C2orf80: variants seen among roughly 807,000 people sequenced by gnomAD.
C2orf80 encodes chromosome 2 open reading frame 80.
C2orf80 carries 28 observed loss-of-function variants against 30.2 expected under a neutral mutation model. The observed-to-expected ratio is 0.93, with a 90% CI of 0.69 to 1.27. The LOEUF is 1.27. Ranked by LOEUF, C2orf80 falls within the 50% of genes most tolerant of loss-of-function variation. The probability of loss-of-function intolerance (pLI) is 0.00; values close to 1 mark genes in which losing one functional copy is unlikely to be tolerated. For synonymous variants in C2orf80, 80 were observed against 76.4 expected (o/e 1.05, Z -0.24); for missense variants, 220 against 231.0 (o/e 0.95, Z 0.31).
At chr2:208,180,160 A>T (rs1433696883) in intron 6 of C2orf80, among the ~76,000 whole-genome samples, 2 of 152,042 alleles carry the variant, frequency 1.3e-5, no homozygotes, top group African/African-American at 4.8e-5. Context: ...TTTATTAGAA[A>T]CAGAGCAGAG....
chr2:208,175,157 G>A (rs763643784), intron 6 of C2orf80, among the ~76,000 whole-genome samples: 25 of 148,396 alleles, frequency 1.7e-4, no homozygotes, highest in Non-Finnish European at 3.4e-4. Flanking sequence ...GCAGTGGCGC[G>A]CACCTGTAAT....
At chr2:208,167,167 C>G (rs1430759710) in intron 8 of C2orf80, among the ~76,000 whole-genome samples, 1 of 152,070 alleles carries the variant, frequency 6.6e-6, no homozygotes, top group Non-Finnish European at 1.5e-5. Context: ...AAATTTACTT[C>G]CTAGTAATGT....
chr2:208,169,681 C>G (rs186787730), intron 8 of C2orf80, among the ~76,000 whole-genome samples: 1 of 136,926 alleles, frequency 7.3e-6, no homozygotes, highest in Admixed American at 7.9e-5. Flanking sequence ...CCATTGCACT[C>G]GAGTGTGGGT....
intron 1 of C2orf80, among the ~76,000 whole-genome samples, chr2:208,187,468 G>A (rs949503984): frequency 2.0e-5 from 3 of 151,182 alleles, no homozygotes; most frequent in African/African-American, 7.3e-5. Context: ...GGCTCATAAT[G>A]GAGTTTTCCA....
intron 6 of C2orf80, among the ~76,000 whole-genome samples, chr2:208,175,569 G>C: frequency 6.6e-6 from 1 of 152,110 alleles, no homozygotes; most frequent in Admixed American, 6.6e-5. Context: ...CCCATATTGT[G>C]TCATGCGGCC....
intron 1 of C2orf80, among the ~76,000 whole-genome samples, chr2:208,189,397 A>G (rs1696812230): frequency 6.6e-6 from 1 of 152,166 alleles, no homozygotes; most frequent in Non-Finnish European, 1.5e-5. Context: ...TTAAAATATG[A>G]GTATGTCCCA....
chr2:208,184,067 A>T (rs765920980), intron 3 of C2orf80, among the ~76,000 whole-genome samples: 14 of 152,258 alleles, frequency 9.2e-5, no homozygotes, highest in Non-Finnish European at 1.9e-4. Flanking sequence ...AAATGAATAA[A>T]TAAACAGGAA....
intron 2 of C2orf80, among the ~76,000 whole-genome samples, chr2:208,185,338 A>G (rs1481512956): frequency 6.6e-6 from 1 of 152,236 alleles, no homozygotes; most frequent in African/African-American, 2.4e-5. Flanking sequence ...TTACAAGACC[A>G]AAAGGATTGA....
chr2:208,165,834 T>G lies in C2orf80; in HGVS notation c.574-19A>C. 1 of 1,591,118 alleles carries G rather than the reference T, an allele frequency of 6.3e-7. No homozygotes were observed. Among genetic ancestry groups the G allele is most frequent in the Non-Finnish European group, 8.6e-7 (1 of 1,163,208 alleles). ...AAGTGACCTGCAGAATAAAAGATGA[T>G]TTTGGTATCAAGCACATCAATTTAA... On this transcript the variant is annotated intron_variant, in intron 8 of 8. Coordinates refer to ENST00000341287, the MANE Select transcript of C2orf80 (RefSeq NM_001099334.3).
intron 1 of C2orf80, among the ~76,000 whole-genome samples, chr2:208,188,356 A>G (rs7579275): frequency 6.6e-6 from 1 of 152,000 alleles, no homozygotes. Flanking sequence ...ACTAAGCTTC[A>G]CTTGATTCAG....
At chr2:208,178,506 G>A (rs1356796404) in intron 6 of C2orf80, among the ~76,000 whole-genome samples, 1 of 152,190 alleles carries the variant, frequency 6.6e-6, no homozygotes, top group Non-Finnish European at 1.5e-5. Flanking sequence ...GGAACACAGA[G>A]AGCTGAGCTT....
At position 208,176,965 on chromosome 2, in the gene C2orf80, G is replaced by GTA. The variant is rs1559340612; in HGVS notation, c.366+3778_366+3779dup. Among the ~76,000 whole-genome samples the GTA allele has an allele frequency of 2.9e-4, 28 of 95,128 alleles. 4 individuals are homozygous for GTA. Among genetic ancestry groups the GTA allele is most frequent in the African/African-American group, 4.8e-4 (14 of 28,980 alleles). 62.4% of individuals were successfully genotyped at this position (95,128 alleles called of 152,430 possible). A position where few individuals can be genotyped will look rare whatever the true frequency, so the allele number is the denominator to read the frequency against. On this transcript the variant is annotated intron_variant, in intron 6 of 8. Coordinates refer to ENST00000341287, the MANE Select transcript of C2orf80 (RefSeq NM_001099334.3). ...TCTGTATACATATCTGTATACATAT[G>GTA]TATACATATATACAGAAATGTATAT...
At position 208,168,139 on chromosome 2, in the gene C2orf80, A is replaced by C. The variant is rs140412936; in HGVS notation, c.574-2324T>G. Among the ~76,000 whole-genome samples, 393 of 152,276 alleles carry C rather than the reference A, an allele frequency of 2.6e-3. 4 individuals carry two copies. The highest frequency in any genetic ancestry group is 9.1e-3 in the African/African-American group (377 of 41,566). On this transcript the variant is annotated intron_variant, in intron 8 of 8. Transcript: ENST00000341287. ...TTAATAAAATACTTATTCCTTTAAT[A>C]TAGAAAGAATTCTAACAAACCAGTG...
At chr2:208,186,819 G>T in intron 2 of C2orf80, 127 bp downstream of exon 2, 1 of 850,338 alleles carries the variant, frequency 1.2e-6, no homozygotes, top group Non-Finnish European at 1.9e-6. Context: ...TCATCCTCTG[G>T]TTTTCTCCTA....
chr2:208,168,801 G>C (rs916793482), intron 8 of C2orf80, among the ~76,000 whole-genome samples: 2 of 112,360 alleles, frequency 1.8e-5, no homozygotes, highest in African/African-American at 3.9e-5. Flanking sequence ...TCAGGACCTG[G>C]GGCCCTACTA....
chr2:208,173,293 G>T (rs1284272245), intron 6 of C2orf80, among the ~76,000 whole-genome samples: 1 of 148,996 alleles, frequency 6.7e-6, no homozygotes, highest in Non-Finnish European at 1.5e-5. Flanking sequence ...AATGAAAAAA[G>T]AAAGACATTA....
chr2:208,182,564 C>T (rs374845339), intron 4 of C2orf80, among the ~76,000 whole-genome samples: 89 of 152,210 alleles, frequency 5.8e-4, no homozygotes, highest in African/African-American at 2.1e-3. Context: ...CCACGCTAGG[C>T]GAATTTTTGT....
At chr2:208,167,714 T>C (rs1181426533) in intron 8 of C2orf80, among the ~76,000 whole-genome samples, 1 of 151,614 alleles carries the variant, frequency 6.6e-6, no homozygotes, top group Non-Finnish European at 1.5e-5. Flanking sequence ...GTAGCTGGGA[T>C]TATAGGCGTG....
intron 1 of C2orf80, among the ~76,000 whole-genome samples, chr2:208,188,897 C>A (rs1696797566): frequency 6.6e-6 from 1 of 152,118 alleles, no homozygotes; most frequent in Non-Finnish European, 1.5e-5. Context: ...CCTACAGAGT[C>A]AATGGGGAGA....
Sources: allele counts gnomAD v4.1 joint callset (sites outside exome capture counted in the v4.1 genomes callset), GRCh38; gene constraint gnomAD v4.1.1; transcripts MANE v1.5; gene names NCBI Gene and HGNC (gene_info 2026-07-23, HGNC 2026-07-21).